GPC6: variants seen among roughly 807,000 people sequenced by gnomAD.
GPC6 encodes glypican 6.
GPC6 carries 14 observed loss-of-function variants against 55.2 expected under a neutral mutation model. The observed-to-expected ratio is 0.25, with a 90% CI of 0.17 to 0.40. The LOEUF is 0.40. Ranked by LOEUF, GPC6 falls within the 10% of genes least tolerant of loss-of-function variation. The pLI is 1.00. For synonymous variants in GPC6, 278 were observed against 259.6 expected, an observed-to-expected ratio of 1.07 and a Z score of -0.68; for missense variants, 641 against 708.5, an observed-to-expected ratio of 0.90 and a Z score of 1.08.
chr13:93,692,192 C>T (rs751810515), intron 2 of GPC6, among the ~76,000 whole-genome samples: 6 of 151,992 alleles, frequency 3.9e-5, no homozygotes, highest in Non-Finnish European at 8.8e-5. Context: ...GAATAAGATG[C>T]GACCTGAAAT....
At chr13:94,231,562 G>T (rs1890730014) in intron 4 of GPC6, among the ~76,000 whole-genome samples, 1 of 152,130 alleles carries the variant, frequency 6.6e-6, no homozygotes, top group African/African-American at 2.4e-5. Flanking sequence ...AAAAATCAAT[G>T]CTAAATGTTG....
intron 3 of GPC6, among the ~76,000 whole-genome samples, chr13:93,959,990 T>C (rs2140382065): frequency 6.6e-6 from 1 of 152,266 alleles, no homozygotes; most frequent in Non-Finnish European, 1.5e-5. Flanking sequence ...TTATCTAGCC[T>C]CATGAGGGAA....
intron 6 of GPC6, among the ~76,000 whole-genome samples, chr13:94,352,445 T>C (rs1473774811): frequency 3.3e-5 from 5 of 152,136 alleles, no homozygotes; most frequent in Non-Finnish European, 7.4e-5. Context: ...CCAGTTAACC[T>C]TGGCCATTGG....
chr13:93,824,057 T>G (rs1594490024), intron 2 of GPC6, among the ~76,000 whole-genome samples: 1 of 152,314 alleles, frequency 6.6e-6, no homozygotes, highest in South Asian at 2.1e-4. Flanking sequence ...AATCTTTATA[T>G]AATTTCAACC....
chr13:94,387,477 A>C (rs1880458542), intron 7 of GPC6, among the ~76,000 whole-genome samples: 1 of 152,202 alleles, frequency 6.6e-6, no homozygotes, highest in Non-Finnish European at 1.5e-5. Flanking sequence ...CTCAATACAA[A>C]TAGTTTGTAA....
At chr13:93,904,463 A>G (rs572691903) in intron 3 of GPC6, among the ~76,000 whole-genome samples, 1 of 152,342 alleles carries the variant, frequency 6.6e-6, no homozygotes, top group Non-Finnish European at 1.5e-5. Flanking sequence ...ATAGCCTGTT[A>G]TGATCTGTCA....
chr13:94,394,783 A>G (rs1360221777), intron 7 of GPC6, among the ~76,000 whole-genome samples: 1 of 152,200 alleles, frequency 6.6e-6, no homozygotes, highest in Non-Finnish European at 1.5e-5. Flanking sequence ...AAGGCTCTTG[A>G]GGATACGGAT....
chr13:93,726,100 T>TCA (rs1358564731), intron 2 of GPC6, among the ~76,000 whole-genome samples: 1 of 93,628 alleles, frequency 1.1e-5, no homozygotes, highest in Non-Finnish European at 2.2e-5. Flanking sequence ...ACTTTTTCCT[T>TCA]CATACACACA....
At chr13:93,802,308 T>C (rs764424787) in intron 2 of GPC6, among the ~76,000 whole-genome samples, 16 of 152,256 alleles carry the variant, frequency 1.1e-4, no homozygotes, top group Non-Finnish European at 2.2e-4. Flanking sequence ...TGGATATGGA[T>C]ACTCAACTGT....
chr13:94,250,603 GA>G (rs1185033728), intron 4 of GPC6, among the ~76,000 whole-genome samples: 3 of 152,106 alleles, frequency 2.0e-5, no homozygotes, highest in Non-Finnish European at 2.9e-5. Flanking sequence ...AATAGAAGTA[GA>G]AAAAGTAAAA....
At chr13:93,308,312 A>G (rs1199068047) in intron 1 of GPC6, among the ~76,000 whole-genome samples, 1 of 152,228 alleles carries the variant, frequency 6.6e-6, no homozygotes, top group African/African-American at 2.4e-5. Flanking sequence ...ATTGTTAGAC[A>G]AAAAGCTGCC....
intron 1 of GPC6, among the ~76,000 whole-genome samples, chr13:93,484,115 T>C (rs1024315386): frequency 6.6e-6 from 1 of 152,122 alleles, no homozygotes; most frequent in Non-Finnish European, 1.5e-5. Context: ...GTGGTGCTTA[T>C]GGATCCAGGG....
chr13:93,534,413 G>A (rs17267829), intron 1 of GPC6, among the ~76,000 whole-genome samples: 1,724 of 152,256 alleles, frequency 0.011, 21 homozygotes, highest in South Asian at 0.021. Context: ...TTGTCTGTTT[G>A]TTTGGGATGT....
At chr13:93,967,832 A>G (rs1276198190) in intron 3 of GPC6, among the ~76,000 whole-genome samples, 1 of 152,172 alleles carries the variant, frequency 6.6e-6, no homozygotes, top group Non-Finnish European at 1.5e-5. Flanking sequence ...AAGCTCTCAG[A>G]ACATAGATAT....
At chr13:93,882,410 G>T (rs1240075210) in intron 3 of GPC6, among the ~76,000 whole-genome samples, 1 of 152,054 alleles carries the variant, frequency 6.6e-6, no homozygotes, top group Non-Finnish European at 1.5e-5. Flanking sequence ...CTCCCAAAGT[G>T]CTGGGATTAA....
intron 6 of GPC6, among the ~76,000 whole-genome samples, chr13:94,364,283 A>C (rs955514241): frequency 6.6e-6 from 1 of 152,200 alleles, no homozygotes; most frequent in African/African-American, 2.4e-5. Flanking sequence ...CAAAGGTGAA[A>C]GTCAAGCAAA....
chr13:93,732,030 T>C (rs1212632810), intron 2 of GPC6, among the ~76,000 whole-genome samples: 3 of 152,314 alleles, frequency 2.0e-5, no homozygotes, highest in East Asian at 3.9e-4. Context: ...AAATAGCATA[T>C]GCCTTCATCC....
chr13:94,112,510 G>A (rs373678254), intron 4 of GPC6, among the ~76,000 whole-genome samples: 3 of 152,234 alleles, frequency 2.0e-5, no homozygotes, highest in African/African-American at 4.8e-5. Flanking sequence ...TAAAACTTAT[G>A]TTACACACTT....
At chr13:93,715,936 C>G (rs1482347774) in intron 2 of GPC6, among the ~76,000 whole-genome samples, 1 of 151,622 alleles carries the variant, frequency 6.6e-6, no homozygotes, top group Non-Finnish European at 1.5e-5. Context: ...ATATCATATA[C>G]AGTCATGCAT....
Sources: allele counts gnomAD v4.1 joint callset (sites outside exome capture counted in the v4.1 genomes callset), GRCh38; gene constraint gnomAD v4.1.1; transcripts MANE v1.5; gene names NCBI Gene and HGNC (gene_info 2026-07-23, HGNC 2026-07-21).